The following HHLA2 variants were observed in gnomAD, a reference collection of about 807,000 sequenced individuals.
HHLA2 encodes the protein HERV-H LTR-associating protein 2.
Under a neutral mutation model 45.9 loss-of-function variants are expected in HHLA2, and 48 were observed. That is an observed-to-expected ratio of 1.05 (90% CI 0.83 to 1.33). HHLA2 has a LOEUF of 1.33. HHLA2 is among the 40% of genes most tolerant of loss of function. The probability of loss-of-function intolerance (pLI) is 0.00; values close to 1 mark genes in which losing one functional copy is unlikely to be tolerated. For synonymous variants in HHLA2, 161 were observed against 173.9 expected, an observed-to-expected ratio of 0.93 and a Z score of 0.59; for missense variants, 462 against 494.3, an observed-to-expected ratio of 0.93 and a Z score of 0.62.
At chr3:108,298,637 T>C (rs893563510) in intron 1 of HHLA2, among the ~76,000 whole-genome samples, 1 of 152,234 alleles carries the variant, frequency 6.6e-6, no homozygotes, top group African/African-American at 2.4e-5. Context: ...CATCTTTTTC[T>C]GTTGGAGACT....
chr3:108,368,588 A>G (rs1339648905), intron 8 of HHLA2, among the ~76,000 whole-genome samples: 1 of 135,062 alleles, frequency 7.4e-6, no homozygotes, highest in Non-Finnish European at 1.6e-5. Context: ...TTGCAATTCT[A>G]GTCTCTGATA....
In HHLA2 at chr3:108,332,014, T is replaced by A. The variant is rs144710656; in HGVS notation, c.-27+3667T>A. Among the ~76,000 whole-genome samples, 155 of 152,316 alleles carry A rather than the reference T, an allele frequency of 1.0e-3. 1 individual carries two copies. Among genetic ancestry groups the A allele is most frequent in the African/African-American group, 3.6e-3 (150 of 41,572 alleles). ...GATCACTAAAAGTTGACAGATTTCA[T>A]GAAAGACGTGGCATTTCTGTAGATC... On this transcript the variant is annotated intron_variant, in intron 3 of 10. Transcript: ENST00000619531.
intron 2 of HHLA2, among the ~76,000 whole-genome samples, chr3:108,316,444 C>T (rs958231412): frequency 1.3e-5 from 2 of 152,096 alleles, no homozygotes; most frequent in Non-Finnish European, 2.9e-5. Flanking sequence ...GTAAGAGTTC[C>T]TAAATTTGCT....
chr3:108,358,430 C>T (rs1249598991), intron 7 of HHLA2, among the ~76,000 whole-genome samples: 1 of 152,112 alleles, frequency 6.6e-6, no homozygotes, highest in African/African-American at 2.4e-5. Context: ...TTGATGACTC[C>T]ATGCGCTGAG....
intron 6 of HHLA2, among the ~76,000 whole-genome samples, chr3:108,355,910 C>T (rs558440818): frequency 5.9e-5 from 9 of 152,208 alleles, no homozygotes; most frequent in Admixed American, 1.3e-4. Flanking sequence ...CAGTTTTTAG[C>T]GCTCGTTCCT....
chr3:108,304,904 T>A (rs568727938), intron 1 of HHLA2, among the ~76,000 whole-genome samples: 1 of 152,332 alleles, frequency 6.6e-6, no homozygotes, highest in South Asian at 2.1e-4. Context: ...TACCACAATA[T>A]GTTGTCATAT....
intron 2 of HHLA2, among the ~76,000 whole-genome samples, chr3:108,312,931 A>G (rs894240692): frequency 4.0e-5 from 6 of 148,808 alleles, no homozygotes; most frequent in African/African-American, 1.5e-4. Context: ...TGTAGTGATG[A>G]TGAAACTAAA....
chr3:108,351,483 G>C (rs1211329987), intron 3 of HHLA2, among the ~76,000 whole-genome samples: 2 of 152,188 alleles, frequency 1.3e-5, no homozygotes, highest in Non-Finnish European at 2.9e-5. Context: ...AGCAGTCACT[G>C]CTTCAGATAT....
At chr3:108,335,478 C>G (rs1370635848) in intron 3 of HHLA2, among the ~76,000 whole-genome samples, 2 of 152,156 alleles carry the variant, frequency 1.3e-5, no homozygotes, top group African/African-American at 4.8e-5. Flanking sequence ...GAAGGGAAAG[C>G]CTCCCATTAG....
At chr3:108,360,865 G>A (rs1277322884) in intron 7 of HHLA2, among the ~76,000 whole-genome samples, 1 of 152,168 alleles carries the variant, frequency 6.6e-6, no homozygotes, top group Non-Finnish European at 1.5e-5. Context: ...ACACAAATAG[G>A]TGGAGAGATT....
chr3:108,366,066 G>C (rs764269551), intron 8 of HHLA2, among the ~76,000 whole-genome samples: 4 of 152,138 alleles, frequency 2.6e-5, no homozygotes, highest in Admixed American at 1.3e-4. Context: ...CGGTTTTCAA[G>C]GGGAATGCTT....
intron 8 of HHLA2, among the ~76,000 whole-genome samples, chr3:108,371,703 C>T (rs2082176132): frequency 6.6e-6 from 1 of 152,072 alleles, no homozygotes; most frequent in Non-Finnish European, 1.5e-5. Context: ...AGACTTTAAA[C>T]CAACAAAGAT....
At chr3:108,302,540 GT>G (rs966898095) in intron 1 of HHLA2, 6 of 148,000 alleles carry the variant, frequency 4.1e-5, no homozygotes, top group African/African-American at 1.6e-4. Context: ...GTTTCATTTT[GT>G]TTTCCCTAAT....
chr3:108,327,090 A>G (rs970613477), intron 2 of HHLA2, among the ~76,000 whole-genome samples: 3 of 152,166 alleles, frequency 2.0e-5, no homozygotes, highest in Admixed American at 6.5e-5. Context: ...GTTGGAAGTT[A>G]TAATTTGGGG....
chr3:108,374,004 A>G (rs2082227897), intron 8 of HHLA2, among the ~76,000 whole-genome samples: 1 of 151,028 alleles, frequency 6.6e-6, no homozygotes, highest in Non-Finnish European at 1.5e-5. Context: ...GAACCAAAAA[A>G]GAGCCCGCAT....
chr3:108,350,192 A>G (rs557152878), intron 3 of HHLA2, among the ~76,000 whole-genome samples: 3 of 152,352 alleles, frequency 2.0e-5, no homozygotes, highest in South Asian at 4.1e-4. Context: ...AAAGGTCTCA[A>G]TTTTGATAAC....
chr3:108,357,615 G>A (rs946598201), intron 6 of HHLA2, among the ~76,000 whole-genome samples: 1 of 152,134 alleles, frequency 6.6e-6, no homozygotes, highest in African/African-American at 2.4e-5. Flanking sequence ...AGCTGGCCCT[G>A]GCTTAGCCCT....
At chr3:108,358,132 C>G in exon 7 of HHLA2, 2 of 1,611,348 alleles carry the variant, frequency 1.2e-6, no homozygotes, top group African/African-American at 2.7e-5. Context: ...GATGAATATA[C>G]TTTACTTACC....
At chr3:108,308,009 CAAAT>C (rs2080958462) in intron 1 of HHLA2, among the ~76,000 whole-genome samples, 1 of 152,158 alleles carries the variant, frequency 6.6e-6, no homozygotes, top group Non-Finnish European at 1.5e-5. Flanking sequence ...CTTTGAATTA[CAAAT>C]AATTCAATTA....
Sources: allele counts gnomAD v4.1 joint callset (sites outside exome capture counted in the v4.1 genomes callset), GRCh38; gene constraint gnomAD v4.1.1; transcripts MANE v1.5; gene names NCBI Gene and HGNC (gene_info 2026-07-23, HGNC 2026-07-21).